B3GALT1: variants seen among roughly 807,000 people sequenced by gnomAD.
B3GALT1 encodes UDP-Gal:betaGlcNAc beta 1,3-galactosyltransferase, polypeptide 1.
Under a neutral mutation model 23.2 loss-of-function variants are expected in B3GALT1, and 10 were observed. The observed-to-expected ratio is 0.43, with a 90% CI of 0.27 to 0.73. The LOEUF (loss-of-function observed/expected upper bound fraction) is 0.73, where lower values mean the gene tolerates loss of function less well. Among genes scored for constraint, B3GALT1 ranks in the 30% least tolerant of loss-of-function variants. The pLI is 0.21. For missense variants in B3GALT1, 299 were observed against 405.4 expected (o/e 0.74, Z 2.25); for synonymous variants, 156 against 141.5 (o/e 1.10, Z -0.73).
chr2:167,745,455 A>G (rs557410350), intron 3 of B3GALT1, among the ~76,000 whole-genome samples: 1 of 152,256 alleles, frequency 6.6e-6, no homozygotes, highest in African/African-American at 2.4e-5. Context: ...GAAGTATATA[A>G]CTTCAGTATT....
intron 1 of B3GALT1, among the ~76,000 whole-genome samples, chr2:167,479,993 T>C (rs570724835): frequency 1.3e-5 from 2 of 150,060 alleles, no homozygotes; most frequent in South Asian, 4.2e-4. Flanking sequence ...CACAGGATGA[T>C]TGTGGATTGT....
intron 3 of B3GALT1, among the ~76,000 whole-genome samples, chr2:167,657,171 C>T (rs1324576030): frequency 6.6e-6 from 1 of 151,952 alleles, no homozygotes; most frequent in African/African-American, 2.4e-5. Flanking sequence ...TTCAAGATAC[C>T]CAGGGGATAT....
chr2:167,678,485 A>T (rs1258326079), intron 3 of B3GALT1, among the ~76,000 whole-genome samples: 2 of 145,198 alleles, frequency 1.4e-5, no homozygotes, highest in East Asian at 4.0e-4. Flanking sequence ...TATTTTTTTT[A>T]GCACCTACTG....
chr2:167,677,969 A>G (rs988311629), intron 3 of B3GALT1, among the ~76,000 whole-genome samples: 1 of 152,128 alleles, frequency 6.6e-6, no homozygotes, highest in Admixed American at 6.5e-5. Context: ...AGCATGAGGG[A>G]ACCAACCCCA....
chr2:167,529,097 T>C (rs1683273394), intron 2 of B3GALT1, among the ~76,000 whole-genome samples: 1 of 152,124 alleles, frequency 6.6e-6, no homozygotes, highest in African/African-American at 2.4e-5. Context: ...TCATTTTTCA[T>C]TTACTTTATG....
intron 2 of B3GALT1, among the ~76,000 whole-genome samples, chr2:167,515,783 C>T (rs961003836): frequency 6.6e-6 from 1 of 152,026 alleles, no homozygotes; most frequent in Non-Finnish European, 1.5e-5. Context: ...CTCTTCAGAA[C>T]ATATTTACCT....
chr2:167,537,911 G>A (rs868185574), intron 2 of B3GALT1, among the ~76,000 whole-genome samples: 5 of 147,432 alleles, frequency 3.4e-5, no homozygotes, highest in South Asian at 2.1e-4. Flanking sequence ...GCAACTGCCC[G>A]CCTCCCTGGC....
chr2:167,377,499 A>G (rs1697783180), intron 1 of B3GALT1, among the ~76,000 whole-genome samples: 1 of 152,082 alleles, frequency 6.6e-6, no homozygotes, highest in Non-Finnish European at 1.5e-5. Context: ...TTTATGAATC[A>G]GGGTGCTCTA....
intron 3 of B3GALT1, among the ~76,000 whole-genome samples, chr2:167,813,862 A>G (rs1688939287): frequency 5.3e-5 from 8 of 152,228 alleles, no homozygotes; most frequent in Admixed American, 5.2e-4. Context: ...ATACAGCAAT[A>G]TCCTTCTCAG....
intron 1 of B3GALT1, among the ~76,000 whole-genome samples, chr2:167,398,191 G>A (rs1698126591): frequency 6.6e-6 from 1 of 152,022 alleles, no homozygotes; most frequent in African/African-American, 2.4e-5. Flanking sequence ...ATTAGTTCAT[G>A]CTAGTACTGG....
intron 2 of B3GALT1, among the ~76,000 whole-genome samples, chr2:167,503,083 A>C (rs370981062): frequency 1.3e-5 from 2 of 152,212 alleles, no homozygotes; most frequent in East Asian, 3.9e-4. Flanking sequence ...ATTCGACATG[A>C]GATTTGAGCA....
chr2:167,319,225 A>G (rs1370809101), intron 1 of B3GALT1, among the ~76,000 whole-genome samples: 2 of 152,222 alleles, frequency 1.3e-5, no homozygotes, highest in East Asian at 3.9e-4. Context: ...TGTCCTTGAC[A>G]TCGTTTCTAC....
chr2:167,596,967 G>C (rs1684784206), intron 2 of B3GALT1, among the ~76,000 whole-genome samples: 1 of 152,186 alleles, frequency 6.6e-6, no homozygotes, highest in Non-Finnish European at 1.5e-5. Context: ...AAGGATGAGA[G>C]AAGTGAGAAT....
rs535774363 is a variant in B3GALT1, at chr2:167,524,259, T to C, written c.-410+33982T>C. 2.4e-4 allele frequency among the ~76,000 whole-genome samples: 37 copies of C among 152,318 alleles called. No individual in the cohort carries two copies. The South Asian group carries it at 5.0e-3, about 20-fold the overall frequency. On this transcript the variant is annotated intron_variant, in intron 2 of 4. Coordinates refer to ENST00000392690, the MANE Select transcript of B3GALT1 (RefSeq NM_020981.4). ...TTTTCTTCAAATCATACTAATTTAATACCTGGCCTTATCTATGCACCCCTA... is the reference window on the plus strand; with the variant it reads ...TTTTCTTCAAATCATACTAATTTAACACCTGGCCTTATCTATGCACCCCTA...
chr2:167,390,100 T>C (rs544204210), intron 1 of B3GALT1, among the ~76,000 whole-genome samples: 68 of 152,106 alleles, frequency 4.5e-4, no homozygotes, highest in African/African-American at 1.6e-3. Context: ...ACACAGGATC[T>C]CAGGACGAAC....
At chr2:167,802,025 C>A (rs942703286) in intron 3 of B3GALT1, among the ~76,000 whole-genome samples, 2 of 152,112 alleles carry the variant, frequency 1.3e-5, no homozygotes. Flanking sequence ...GTGGGGTATC[C>A]CTTCACATGT....
intron 2 of B3GALT1, among the ~76,000 whole-genome samples, chr2:167,521,273 G>T (rs1700183659): frequency 6.6e-6 from 1 of 152,048 alleles, no homozygotes; most frequent in Non-Finnish European, 1.5e-5. Flanking sequence ...ACTAGATTCT[G>T]TTCAGAGATC....
intron 1 of B3GALT1, among the ~76,000 whole-genome samples, chr2:167,370,319 G>A (rs1416989209): frequency 6.6e-6 from 1 of 152,150 alleles, no homozygotes; most frequent in Non-Finnish European, 1.5e-5. Flanking sequence ...TCTTGCAGGG[G>A]CATATATAAC....
At chr2:167,529,429 C>T (rs2105366720) in intron 2 of B3GALT1, among the ~76,000 whole-genome samples, 1 of 151,882 alleles carries the variant, frequency 6.6e-6, no homozygotes, top group East Asian at 2.0e-4. Context: ...TTGACATTTG[C>T]CTCTTTGGCA....
Sources: allele counts gnomAD v4.1 joint callset (sites outside exome capture counted in the v4.1 genomes callset), GRCh38; gene constraint gnomAD v4.1.1; transcripts MANE v1.5; gene names NCBI Gene and HGNC (gene_info 2026-07-23, HGNC 2026-07-21).